NOTCH1: variants seen among roughly 807,000 people sequenced by gnomAD.
NOTCH1 encodes the protein notch receptor 1.
A neutral mutation model predicts 254.8 loss-of-function variants in NOTCH1; 37 were observed. That is an observed-to-expected ratio of 0.15 (90% CI 0.11 to 0.19). The LOEUF (loss-of-function observed/expected upper bound fraction) is 0.19. Ranked by LOEUF, NOTCH1 falls within the 10% of genes least tolerant of loss-of-function variation. The probability of loss-of-function intolerance (pLI) is 1.00; values close to 1 mark genes in which losing one functional copy is unlikely to be tolerated. For missense variants in NOTCH1, 2,972 were observed against 3,708.6 expected (o/e 0.80, Z 5.16); for synonymous variants, 1,731 against 1,618.1 (o/e 1.07, Z -1.68).
chr9:136,509,463 G>A (rs567543811), intron 18 of NOTCH1, among the ~76,000 whole-genome samples: 10 of 152,322 alleles, frequency 6.6e-5, no homozygotes, highest in South Asian at 2.1e-4. Flanking sequence ...AAACAAGAAC[G>A]GACAGAGTTC....
rs2133339313 is a variant in NOTCH1 at position 136,505,487 on chromosome 9, T to G, written c.4409A>C (p.His1470Pro). The G allele has an allele frequency of 6.2e-7, 1 of 1,612,804 alleles. No individual in the cohort carries two copies. Among genetic ancestry groups the G allele is most frequent in the Non-Finnish European group, 8.5e-7 (1 of 1,179,996 alleles). The change falls in exon 25 of 34, where the codon CAC (histidine) becomes CCC (proline). Residue 1470 changes from histidine (H) to proline (P), a missense_variant. This residue lies in a region of NOTCH1 where 1,343 missense variants were observed against 1,557.0 expected (regional missense o/e 0.86). Transcript: ENST00000651671. ...GTCACCGCCGTCCCAGCCGCACGCGTGGTTGTTGCACTGCAGGCTGCAGAC... is the reference window on the plus strand; with the variant it reads ...GTCACCGCCGTCCCAGCCGCACGCGGGGTTGTTGCACTGCAGGCTGCAGAC... ...NKVCSLQCNNHACGWDGGDCS... is the reference protein window; with the variant it reads ...NKVCSLQCNNPACGWDGGDCS...
intron 4 of NOTCH1, among the ~76,000 whole-genome samples, chr9:136,522,055 G>A (rs573088039): frequency 6.1e-5 from 9 of 148,734 alleles, no homozygotes; most frequent in Admixed American, 2.0e-4. Flanking sequence ...TCGGCTCACT[G>A]CAACCTCCGC....
In NOTCH1 at chr9:136,516,118, G is replaced by C. The variant is rs12001608; in HGVS notation, c.1556-24C>G. 4 of 1,556,564 alleles carry C rather than the reference G, an allele frequency of 2.6e-6. No individual in the cohort carries two copies. The Admixed American group carries it at 5.0e-5, about 20-fold the overall frequency. On this transcript the variant is annotated intron_variant, in intron 9 of 33. Transcript: ENST00000651671. ...GCCTGGGGCCGGGGAGGGGAGGGGA[G>C]GGAGTCATGTGCAACAGCACTATGG...
intron 2 of NOTCH1, among the ~76,000 whole-genome samples, chr9:136,539,891 G>T (rs1219297738): frequency 6.6e-6 from 1 of 152,066 alleles, no homozygotes; most frequent in Non-Finnish European, 1.5e-5. Flanking sequence ...GTCACTTCCC[G>T]CCTGAGCCTC....
chr9:136,545,708 G>C lies in NOTCH1; in HGVS notation c.61+18C>G. Reference sequence around the variant, plus strand: ...AAGGGCGCGGAAAGTGGGGGCTCGCGGGTGGGTGGGCGCCTACCTCGTGCG... The same window carrying C: ...AAGGGCGCGGAAAGTGGGGGCTCGCCGGTGGGTGGGCGCCTACCTCGTGCG... On this transcript the variant is annotated intron_variant, in intron 1 of 33. Coordinates refer to ENST00000651671, the MANE Select transcript of NOTCH1 (RefSeq NM_017617.5). The surrounding 1 kb of genome is among the most constrained non-coding windows in gnomAD (Gnocchi z 6.8). The C allele has an allele frequency of 1.4e-6, 2 of 1,442,132 alleles. No individual in the cohort carries two copies. Among genetic ancestry groups the C allele is most frequent in the Non-Finnish European group, 1.8e-6 (2 of 1,103,004 alleles). 89.3% of individuals were successfully genotyped at this position (1,442,132 alleles called of 1,614,324 possible). A position where few individuals can be genotyped will look rare whatever the true frequency, so the allele number is the denominator to read the frequency against.
At position 136,515,654 on chromosome 9, in the gene NOTCH1, C is replaced by T. The variant is rs1046268914; in HGVS notation, c.1732G>A (p.Gly578Ser). ...DECDPDPCHY[G>S]SCKDGVATFT... is the part of the protein sequence containing the mutation. ...GTGGCGACGCCGTCCTTGCAGGAGC[C>T]GTAGTGGCAGGGGTCGGGGTCGCAC... is the stretch of plus-strand genomic sequence containing the variant. Residue 578 changes from glycine to serine, a missense_variant, in exon 11 of 34, where the codon GGC (glycine) becomes AGC (serine). Coordinates refer to ENST00000651671, the MANE Select transcript of NOTCH1 (RefSeq NM_017617.5). The T allele has an allele frequency of 3.8e-6, 6 of 1,588,856 alleles. No homozygotes were observed. The highest frequency in any genetic ancestry group is 2.3e-5 in the South Asian group (2 of 88,794).
intron 2 of NOTCH1, among the ~76,000 whole-genome samples, chr9:136,534,039 G>A (rs1045348480): frequency 9.2e-5 from 14 of 152,234 alleles, no homozygotes; most frequent in Non-Finnish European, 1.9e-4. Flanking sequence ...CTCTGTGCCC[G>A]GTTGTCATCT....
At position 136,518,573 on chromosome 9, in the gene NOTCH1, G is replaced by A. The variant is rs2133370474; in HGVS notation, c.1099+18C>T. ...CCATGTGAGCCCCCTGCGCCCACCT[G>A]GGCCTCAAGGCACTCACCTGTGCGG... On this transcript the variant is annotated intron_variant, in intron 6 of 33. Transcript: ENST00000651671. The A allele has an allele frequency of 6.2e-7, 1 of 1,604,972 alleles. No individual in the cohort carries two copies. The highest frequency in any genetic ancestry group is 8.5e-7 in the Non-Finnish European group (1 of 1,174,970).
chr9:136,506,782 G>A lies in NOTCH1; in HGVS notation c.3835C>T (p.Arg1279Cys), dbSNP rs182330532. ...NECLSNPCDA[R>C]GTQNCVQRVN... ...CGCTGCACGCAGTTCTGGGTGCCAC[G>A]GGCGTCGCAGGGATTGGACAGGCAC... The change falls in exon 23 of 34, where the codon CGT becomes TGT. Residue 1279 changes from arginine to cysteine, a missense_variant. Arg to Cys is a radical substitution (Grantham distance 180). Around this residue, in one of 8 missense-constraint regions of NOTCH1, gnomAD observed 1,343 missense variants for 1,557.0 expected, o/e 0.86. Transcript: ENST00000651671. The surrounding 1 kb of genome is among the most constrained non-coding windows in gnomAD (Gnocchi z 4.5). 7.5e-4 allele frequency: 1,204 copies of A among 1,610,112 alleles called. No homozygotes were observed. Among genetic ancestry groups the A allele is most frequent in the Non-Finnish European group, 9.1e-4 (1,078 of 1,178,770 alleles).
rs1201103309 is a variant in NOTCH1, at chr9:136,540,106, CCTGATCCAGACAGCTTTACGGGG to C, written c.140+3895_140+3917del. On this transcript the variant is annotated intron_variant, in intron 2 of 33. Transcript: ENST00000651671. This position sits in a 1 kb window ranked among gnomAD's most constrained non-coding sequence, Gnocchi z 4.4. ...GGTCTCTTCTTCTCACTTATCGGTGCCTGATCCAGACAGCTTTACGGGGCTGCCGGGAGCTATGCCAGGCCACC... is the reference window on the plus strand; with the variant it reads ...GGTCTCTTCTTCTCACTTATCGGTGCCTGCCGGGAGCTATGCCAGGCCACC... Among the ~76,000 whole-genome samples the C allele has an allele frequency of 3.9e-5, 6 of 152,316 alleles. No individual in the cohort carries two copies. The highest frequency in any genetic ancestry group is 1.4e-4 in the African/African-American group (6 of 41,572).
intron 3 of NOTCH1, 61 bp downstream of exon 3, chr9:136,523,656 C>T (rs1843412120): frequency 6.4e-7 from 1 of 1,551,366 alleles, no homozygotes; most frequent in East Asian, 2.4e-5. Context: ...CCTCAAGTTG[C>T]CTGGGCAGCT....
rs146620154 is a variant in NOTCH1 at position 136,527,460 on chromosome 9, C to T, written c.141-3481G>A. Reference sequence around the variant, plus strand: ...GTGAGGTGGCACCCAACAGCTGCCGCGCCCACGGGGATCCTCAGGGCTTCC... The same window carrying T: ...GTGAGGTGGCACCCAACAGCTGCCGTGCCCACGGGGATCCTCAGGGCTTCC... On this transcript the variant is annotated intron_variant, in intron 2 of 33. Transcript: ENST00000651671. 7.8e-3 allele frequency among the ~76,000 whole-genome samples: 1,181 copies of T among 152,350 alleles called. 9 individuals are homozygous for T. The highest frequency in any genetic ancestry group is 0.051 in the Middle Eastern group (15 of 294).
chr9:136,507,191 A>T (rs1320878093), intron 22 of NOTCH1, 114 bp downstream of exon 22: 20 of 1,574,724 alleles, frequency 1.3e-5, no homozygotes, highest in Non-Finnish European at 1.7e-5. Context: ...TCACACAGGA[A>T]AATGGGAGTT....
chr9:136,536,605 C>T (rs3013300), intron 2 of NOTCH1, among the ~76,000 whole-genome samples: 54,902 of 152,160 alleles, frequency 0.36, 10,669 homozygotes, highest in East Asian at 0.73. Context: ...GTCTGGAGCT[C>T]CCTGCCGCTG....
chr9:136,528,417 C>CGGGGGATGGGCAGGGACAGT (rs1843505268), intron 2 of NOTCH1, among the ~76,000 whole-genome samples: 7 of 2,914 alleles, frequency 2.4e-3, no homozygotes, highest in South Asian at 0.022. Context: ...AGGGACAGTG[C>CGGGGGATGGGCAGGGACAGT]GGGGGGGATG....
intron 10 of NOTCH1, 114 bp downstream of exon 10, chr9:136,515,867 C>T (rs1036707851): frequency 3.7e-5 from 42 of 1,143,942 alleles, no homozygotes; most frequent in African/African-American, 1.2e-4. Flanking sequence ...GCTGTGCTCT[C>T]GGCCTCTGGA....
intron 4 of NOTCH1, chr9:136,519,776 G>A (rs767853408): frequency 1.5e-6 from 1 of 666,502 alleles, no homozygotes; most frequent in Non-Finnish European, 2.6e-6. Flanking sequence ...TGGCTAAACA[G>A]GGACTCAGGA....
Position 136,502,371 on chromosome 9 carries a change from C to T in NOTCH1, c.5285G>A (p.Arg1762Gln), listed in dbSNP as rs942439472. Residue 1762 changes from arginine (R) to glutamine (Q), a missense_variant, in exon 28 of 34, where the codon CGG becomes CAG. Around this residue, in one of 8 missense-constraint regions of NOTCH1, gnomAD observed 421 missense variants for 604.4 expected, o/e 0.70. Transcript: ENST00000651671. ...AGGGAACCAGAGCTGGCCATGCTGC[C>T]GCCGGCGCTTGCGGGACAGCAGCAC... ...CGVLLSRKRR[R>Q]QHGQLWFPEG... The T allele has an allele frequency of 1.8e-5, 29 of 1,612,400 alleles. No individual in the cohort carries two copies. Among genetic ancestry groups the T allele is most frequent in the Non-Finnish European group, 2.5e-5 (29 of 1,179,788 alleles).
At chr9:136,525,593 G>T (rs1388937573) in intron 2 of NOTCH1, among the ~76,000 whole-genome samples, 1 of 152,202 alleles carries the variant, frequency 6.6e-6, no homozygotes, top group East Asian at 1.9e-4. Context: ...CTGGGTGCGG[G>T]GCTGCGGCGG....
Sources: gnomAD v4.1 joint callset for allele counts (sites outside exome capture counted in the v4.1 genomes callset) on GRCh38, gnomAD v4.1.1 for gene constraint, gnomAD v4.1.1 regional missense constraint, Gnocchi (gnomAD v3.1) non-coding constraint, MANE v1.5 for transcripts, NCBI Gene and HGNC (gene_info 2026-07-23, HGNC 2026-07-21) for gene names.